ZNF804B: variants seen among roughly 807,000 people sequenced by gnomAD.
ZNF804B encodes the protein zinc finger 804B.
A neutral mutation model predicts 101.4 loss-of-function variants in ZNF804B; 80 were observed. That is an observed-to-expected ratio of 0.79 (90% CI 0.66 to 0.95). The LOEUF (loss-of-function observed/expected upper bound fraction) is 0.95. ZNF804B is among the 40% of genes least tolerant of loss of function. The pLI, the probability that ZNF804B is intolerant of heterozygous loss-of-function variation, is 0.00. For missense variants in ZNF804B, 1,673 were observed against 1,561.9 expected, an observed-to-expected ratio of 1.07 and a Z score of -1.20; for synonymous variants, 622 against 558.8, an observed-to-expected ratio of 1.11 and a Z score of -1.59.
At position 89,218,220 on chromosome 7, in the gene ZNF804B, A is replaced by C. The variant is rs1217993798; in HGVS notation, c.174A>C (p.Glu58Asp). 1.9e-6 allele frequency: 3 copies of C among 1,613,816 alleles called. No individual in the cohort carries two copies. The highest frequency in any genetic ancestry group is 2.7e-5 in the African/African-American group (2 of 74,940). ...ATGTAAAGGCAAACTTTTACTGTGA[A>C]TTATGTGACAAGCAGTATCACAAAC... is the stretch of plus-strand genomic sequence containing the variant. ...LEDVKANFYC[E>D]LCDKQYHKHQ... Residue 58 changes from glutamate to aspartate, a missense_variant, in exon 2 of 4, where the codon GAA (glutamate) becomes GAC (aspartate). Coordinates refer to ENST00000333190, the MANE Select transcript of ZNF804B (RefSeq NM_181646.5).
chr7:88,952,411 A>G (rs1315077029), intron 1 of ZNF804B, among the ~76,000 whole-genome samples: 2 of 151,854 alleles, frequency 1.3e-5, no homozygotes, highest in Non-Finnish European at 2.9e-5. Flanking sequence ...GTGGATAACT[A>G]GGAAAACCAT....
chr7:89,335,730 A>T lies in ZNF804B; in HGVS notation c.2748A>T (p.Ala916=). 1 of 1,614,096 alleles carries T rather than the reference A, an allele frequency of 6.2e-7. No homozygotes were observed. The highest frequency in any genetic ancestry group is 8.5e-7 in the Non-Finnish European group (1 of 1,179,982). Residue 916 remains alanine, a synonymous_variant, in exon 4 of 4, where the codon GCA becomes GCT. Transcript: ENST00000333190. The part of the protein sequence containing the change: ...GPSETTESNT[A]EGERTPLTAK... ...CAGAAACCACAGAATCAAACACTGC[A>T]GAAGGAGAGAGGACCCCTCTAACAG... is the stretch of plus-strand genomic sequence containing the variant.
intron 1 of ZNF804B, among the ~76,000 whole-genome samples, chr7:89,081,805 T>G (rs545020656): frequency 6.6e-6 from 1 of 151,906 alleles, no homozygotes; most frequent in South Asian, 2.1e-4. Context: ...ATGTTGTCAA[T>G]GACCTATGAA....
At chr7:89,141,781 A>C (rs10266415) in intron 1 of ZNF804B, among the ~76,000 whole-genome samples, 90,850 of 151,478 alleles carry the variant, frequency 0.6, 27,637 homozygotes, top group African/African-American at 0.71. Flanking sequence ...AATATATGGG[A>C]GATTTGTAAG....
intron 1 of ZNF804B, among the ~76,000 whole-genome samples, chr7:88,818,999 T>C (rs545167353): frequency 5.4e-4 from 82 of 152,322 alleles, no homozygotes; most frequent in African/African-American, 1.7e-3. Context: ...GCTTTCAATG[T>C]CAATTTTCAG....
chr7:89,284,871 A>C (rs1469606736), intron 2 of ZNF804B, among the ~76,000 whole-genome samples: 13 of 152,056 alleles, frequency 8.5e-5, no homozygotes, highest in Admixed American at 8.5e-4. Flanking sequence ...CTGGCAACCA[A>C]GTGGCAGCAG....
At chr7:88,793,119 G>A (rs1159633790) in intron 1 of ZNF804B, among the ~76,000 whole-genome samples, 1 of 152,060 alleles carries the variant, frequency 6.6e-6, no homozygotes, top group Non-Finnish European at 1.5e-5. Context: ...GGTTTCGTAA[G>A]ATGTTAAGGT....
rs980847507 is a variant in ZNF804B, at chr7:88,760,200, T to C, written c.108+116T>C. The C allele has an allele frequency of 6.3e-6, 5 of 796,266 alleles. No homozygotes were observed. In the East Asian group the frequency reaches 1.3e-4, roughly 21 times the overall value. The allele number at this position is 796,266 out of a possible 1,614,324, so 49.3% of individuals were successfully genotyped here. ...GTAGGTGGTGGACATCTAAAACGTA[T>C]ACCTTATCCATAGGTATGGAGATAC... On this transcript the variant is annotated intron_variant, in intron 1 of 3. Coordinates refer to ENST00000333190, the MANE Select transcript of ZNF804B (RefSeq NM_181646.5).
intron 1 of ZNF804B, among the ~76,000 whole-genome samples, chr7:88,777,128 A>G (rs532877946): frequency 2.0e-4 from 30 of 152,266 alleles, no homozygotes; most frequent in African/African-American, 7.2e-4. Context: ...GCAGGCATCC[A>G]TGAGCCCACA....
chr7:88,888,189 G>A (rs1792161748), intron 1 of ZNF804B, among the ~76,000 whole-genome samples: 1 of 152,050 alleles, frequency 6.6e-6, no homozygotes, highest in Admixed American at 6.5e-5. Context: ...TCAGGACTTC[G>A]AGACCAGTCT....
At chr7:88,873,639 T>C (rs1366978601) in intron 1 of ZNF804B, among the ~76,000 whole-genome samples, 1 of 152,200 alleles carries the variant, frequency 6.6e-6, no homozygotes, top group Non-Finnish European at 1.5e-5. Context: ...CTTGAATTGA[T>C]TTTTATACAA....
chr7:89,016,187 T>C (rs1788553409), intron 1 of ZNF804B, among the ~76,000 whole-genome samples: 1 of 152,158 alleles, frequency 6.6e-6, no homozygotes, highest in Non-Finnish European at 1.5e-5. Flanking sequence ...TGGGGTTGTT[T>C]GTTTTTTTCT....
At chr7:88,781,821 C>T (rs140045731) in intron 1 of ZNF804B, among the ~76,000 whole-genome samples, 52 of 152,150 alleles carry the variant, frequency 3.4e-4, no homozygotes, top group Non-Finnish European at 4.4e-5. Flanking sequence ...CCTCAGGTTA[C>T]TCAGGCTCTT....
intron 1 of ZNF804B, among the ~76,000 whole-genome samples, chr7:88,786,434 T>G (rs1356131596): frequency 6.6e-6 from 1 of 152,022 alleles, no homozygotes; most frequent in Non-Finnish European, 1.5e-5. Flanking sequence ...TAAGCACTGC[T>G]GATTTTTTTT....
intron 1 of ZNF804B, among the ~76,000 whole-genome samples, chr7:88,850,298 T>C (rs1791434231): frequency 6.6e-6 from 1 of 151,686 alleles, no homozygotes; most frequent in South Asian, 2.1e-4. Flanking sequence ...TTTTTTGGAG[T>C]TAAGGAGATA....
chr7:88,899,603 C>T (rs766116042), intron 1 of ZNF804B, among the ~76,000 whole-genome samples: 6 of 152,104 alleles, frequency 3.9e-5, no homozygotes, highest in Non-Finnish European at 5.9e-5. Flanking sequence ...TAACAGTTCT[C>T]GAAACAAACA....
chr7:89,042,567 A>T (rs894187102), intron 1 of ZNF804B, among the ~76,000 whole-genome samples: 2 of 152,136 alleles, frequency 1.3e-5, no homozygotes, highest in African/African-American at 4.8e-5. Context: ...TTGTTTTCCT[A>T]TATAGTTAAG....
chr7:88,851,251 A>G (rs186201755), intron 1 of ZNF804B, among the ~76,000 whole-genome samples: 1 of 152,236 alleles, frequency 6.6e-6, no homozygotes, highest in East Asian at 1.9e-4. Flanking sequence ...TATTTTCTCA[A>G]TTTTATAAAA....
intron 1 of ZNF804B, among the ~76,000 whole-genome samples, chr7:88,927,346 A>G (rs1321985196): frequency 1.3e-5 from 2 of 152,194 alleles, no homozygotes; most frequent in Non-Finnish European, 2.9e-5. Flanking sequence ...AGCACAAACT[A>G]CTGACACTTG....
Sources: allele counts gnomAD v4.1 joint callset (sites outside exome capture counted in the v4.1 genomes callset), GRCh38; gene constraint gnomAD v4.1.1; transcripts MANE v1.5; gene names NCBI Gene and HGNC (gene_info 2026-07-23, HGNC 2026-07-21).